SLC9A9: variants seen among roughly 807,000 people sequenced by gnomAD.
SLC9A9 encodes sodium/hydrogen exchanger 9.
In SLC9A9, 62 loss-of-function variants were observed where a neutral mutation model predicts 77.8. The ratio of observed to expected loss-of-function variants is 0.80; its 90% CI spans 0.65 to 0.98. SLC9A9 has a LOEUF of 0.98. SLC9A9 is among the 50% of genes least tolerant of loss of function. The probability of loss-of-function intolerance (pLI) is 0.00; values close to 1 mark genes in which losing one functional copy is unlikely to be tolerated. For missense variants in SLC9A9, 775 were observed against 774.9 expected (o/e 1.00, Z 0.00); for synonymous variants, 320 against 283.5 (o/e 1.13, Z -1.29).
chr3:143,681,328 C>T (rs972173477), intron 5 of SLC9A9, among the ~76,000 whole-genome samples: 35 of 151,970 alleles, frequency 2.3e-4, no homozygotes, highest in African/African-American at 6.8e-4. Flanking sequence ...TTATTAGTAA[C>T]GCTGCCGCAT....
At chr3:143,424,067 G>T (rs966913610) in intron 12 of SLC9A9, among the ~76,000 whole-genome samples, 1 of 152,178 alleles carries the variant, frequency 6.6e-6, no homozygotes, top group Non-Finnish European at 1.5e-5. Context: ...ACCAGTAAAT[G>T]TAACACATGA....
chr3:143,675,990 T>C (rs956502401), intron 5 of SLC9A9, among the ~76,000 whole-genome samples: 6 of 151,988 alleles, frequency 3.9e-5, no homozygotes, highest in African/African-American at 1.4e-4. Context: ...AGGTTTCTCG[T>C]GGGGGATGGG....
At chr3:143,362,948 A>T (rs954231491) in intron 14 of SLC9A9, among the ~76,000 whole-genome samples, 5 of 152,254 alleles carry the variant, frequency 3.3e-5, no homozygotes, top group Non-Finnish European at 5.9e-5. Flanking sequence ...AAAACAAAGC[A>T]GTGCTATTTT....
intron 14 of SLC9A9, among the ~76,000 whole-genome samples, chr3:143,271,724 A>T (rs1937905779): frequency 6.6e-6 from 1 of 152,164 alleles, no homozygotes; most frequent in African/African-American, 2.4e-5. Flanking sequence ...AGAGGTGGGT[A>T]GAATTAGTTG....
intron 6 of SLC9A9, among the ~76,000 whole-genome samples, chr3:143,630,542 C>T (rs1026080851): frequency 2.0e-5 from 3 of 152,036 alleles, no homozygotes; most frequent in South Asian, 2.1e-4. Flanking sequence ...TGACTATTAT[C>T]GGTGAGATTT....
chr3:143,382,196 A>C lies in SLC9A9; in HGVS notation c.1470-82T>G. 1.4e-5 allele frequency: 20 copies of C among 1,388,578 alleles called. No homozygotes were observed. In the South Asian group the frequency reaches 2.2e-4, roughly 15 times the overall value. 86.0% of individuals were successfully genotyped at this position (1,388,578 alleles called of 1,614,324 possible). ...CTTGTGTGTCAGATGACCTAACCCA[A>C]ACACAATGTGAATCTGAGAAAAGAT... On this transcript the variant is annotated intron_variant, in intron 12 of 15. Coordinates refer to ENST00000316549, the MANE Select transcript of SLC9A9 (RefSeq NM_173653.4).
chr3:143,558,728 G>A (rs1264341604), intron 8 of SLC9A9, among the ~76,000 whole-genome samples: 1 of 152,182 alleles, frequency 6.6e-6, no homozygotes, highest in Non-Finnish European at 1.5e-5. Context: ...ATAGGCAGAA[G>A]GGACTTGCCT....
At chr3:143,271,475 T>C (rs1042541052) in intron 14 of SLC9A9, among the ~76,000 whole-genome samples, 2 of 152,196 alleles carry the variant, frequency 1.3e-5, no homozygotes, top group Non-Finnish European at 2.9e-5. Context: ...ATAAAAATGC[T>C]ACTTACTTAA....
intron 14 of SLC9A9, among the ~76,000 whole-genome samples, chr3:143,335,648 T>A (rs546243992): frequency 6.6e-6 from 1 of 152,202 alleles, no homozygotes; most frequent in South Asian, 2.1e-4. Flanking sequence ...TGAGTCAGGA[T>A]CACACAATGG....
At chr3:143,712,309 A>G (rs554263748) in intron 4 of SLC9A9, among the ~76,000 whole-genome samples, 1 of 152,336 alleles carries the variant, frequency 6.6e-6, no homozygotes, top group South Asian at 2.1e-4. Flanking sequence ...ATCTTTGAGG[A>G]TGCAGCACAG....
intron 14 of SLC9A9, among the ~76,000 whole-genome samples, chr3:143,297,577 CG>C (rs2030329060): frequency 6.6e-6 from 1 of 151,992 alleles, no homozygotes; most frequent in Non-Finnish European, 1.5e-5. Flanking sequence ...TAAAAAATGC[CG>C]TTGGAATTTT....
At chr3:143,278,519 C>T (rs1181720547) in intron 14 of SLC9A9, among the ~76,000 whole-genome samples, 1 of 152,176 alleles carries the variant, frequency 6.6e-6, no homozygotes, top group African/African-American at 2.4e-5. Context: ...GTTCTAGAGG[C>T]TAAATCCAAT....
intron 1 of SLC9A9, among the ~76,000 whole-genome samples, chr3:143,842,133 C>A (rs1295693489): frequency 1.3e-5 from 2 of 152,082 alleles, no homozygotes; most frequent in Non-Finnish European, 1.5e-5. Context: ...GTAATCCCAG[C>A]ACTTTGGGAG....
At chr3:143,390,208 C>T (rs760720529) in intron 12 of SLC9A9, among the ~76,000 whole-genome samples, 2 of 152,184 alleles carry the variant, frequency 1.3e-5, no homozygotes, top group African/African-American at 4.8e-5. Context: ...TCATGAAACT[C>T]TATTGGGCTG....
chr3:143,758,920 T>C (rs1271386290), intron 4 of SLC9A9, among the ~76,000 whole-genome samples: 1 of 152,168 alleles, frequency 6.6e-6, no homozygotes, highest in Non-Finnish European at 1.5e-5. Flanking sequence ...CTGGATATTT[T>C]CTTTTAAAAT....
intron 7 of SLC9A9, among the ~76,000 whole-genome samples, chr3:143,578,205 C>A (rs189263369): frequency 6.6e-6 from 1 of 152,120 alleles, no homozygotes; most frequent in African/African-American, 2.4e-5. Flanking sequence ...CAATTTATCA[C>A]CCTTAATCAA....
chr3:143,795,649 A>G (rs764753598), intron 3 of SLC9A9, among the ~76,000 whole-genome samples: 2 of 152,186 alleles, frequency 1.3e-5, no homozygotes, highest in Non-Finnish European at 2.9e-5. Flanking sequence ...AGATTGTTTG[A>G]GTACAGGAGG....
intron 5 of SLC9A9, 113 bp from the exon 6 acceptor site, chr3:143,652,473 T>C (rs372629604): frequency 1.4e-5 from 11 of 796,552 alleles, no homozygotes; most frequent in East Asian, 8.0e-5. Flanking sequence ...TCAAATCCAA[T>C]GACTATACTA....
chr3:143,579,076 T>C (rs1352170680), intron 6 of SLC9A9, among the ~76,000 whole-genome samples: 2 of 152,204 alleles, frequency 1.3e-5, no homozygotes, highest in African/African-American at 4.8e-5. Flanking sequence ...GCCATATGTC[T>C]TCAGTGCTGT....
Sources: allele counts gnomAD v4.1 joint callset (sites outside exome capture counted in the v4.1 genomes callset), GRCh38; gene constraint gnomAD v4.1.1; transcripts MANE v1.5; gene names NCBI Gene and HGNC (gene_info 2026-07-23, HGNC 2026-07-21).